Variants in COG5 observed in about 807,000 individuals in gnomAD.
COG5 encodes the protein conserved oligomeric Golgi complex subunit 5.
In COG5, 86 loss-of-function variants were observed where a neutral mutation model predicts 110.4. The ratio of observed to expected loss-of-function variants is 0.78; its 90% confidence interval spans 0.65 to 0.93. The LOEUF (loss-of-function observed/expected upper bound fraction) is 0.93. Among genes scored for constraint, COG5 ranks in the 40% least tolerant of loss-of-function variants. COG5 has a pLI of 0.00. For missense variants in COG5, 1,077 were observed against 987.0 expected, an observed-to-expected ratio of 1.09 and a Z score of -1.22; for synonymous variants, 360 against 334.6, an observed-to-expected ratio of 1.08 and a Z score of -0.83.
intron 12 of COG5, among the ~76,000 whole-genome samples, chr7:107,294,022 A>G (rs1035606975): frequency 6.6e-6 from 1 of 152,176 alleles, no homozygotes; most frequent in Non-Finnish European, 1.5e-5. Context: ...CTGTGAGCAG[A>G]TATCACACCA....
chr7:107,328,975 C>G (rs1321185229), intron 10 of COG5, among the ~76,000 whole-genome samples: 3 of 152,056 alleles, frequency 2.0e-5, no homozygotes, highest in Non-Finnish European at 2.9e-5. Flanking sequence ...CACACGCCAC[C>G]ACTGAAACGC....
At chr7:107,312,725 G>C (rs1004991281) in intron 11 of COG5, among the ~76,000 whole-genome samples, 1 of 152,106 alleles carries the variant, frequency 6.6e-6, no homozygotes, top group Non-Finnish European at 1.5e-5. Flanking sequence ...AGTCATATTC[G>C]AATTGCATTT....
chr7:107,305,253 A>G (rs1807612562), intron 11 of COG5, among the ~76,000 whole-genome samples: 1 of 152,298 alleles, frequency 6.6e-6, no homozygotes, highest in East Asian at 1.9e-4. Context: ...TGTTGTTTGG[A>G]GGATTTGGCC....
rs1384319631 is a variant in COG5, at chr7:107,201,454, G to C, written c.*2062C>G. The stretch of plus-strand genomic sequence containing the variant: ...TAAACCAGGATGCTTATGTTCTTAA[G>C]TCTATATTTGCATATACATTGACTC... On this transcript the variant is annotated 3_prime_UTR_variant, in exon 22 of 22. Transcript: ENST00000297135. The C allele has an allele frequency of 1.3e-6, 2 of 1,508,920 alleles. No individual in the cohort carries two copies. The highest frequency in any genetic ancestry group is 1.8e-6 in the Non-Finnish European group (2 of 1,086,948). 93.5% of individuals were successfully genotyped at this position (1,508,920 alleles called of 1,614,324 possible).
At chr7:107,324,825 G>T (rs564513590) in intron 10 of COG5, among the ~76,000 whole-genome samples, 5 of 152,214 alleles carry the variant, frequency 3.3e-5, no homozygotes, top group African/African-American at 1.2e-4. Context: ...AACATTGCAG[G>T]ATAATTATGA....
In COG5 at chr7:107,548,233, T is replaced by C. The variant is rs202015004; in HGVS notation, c.347+45A>G. 1.4e-4 allele frequency: 224 copies of C among 1,602,764 alleles called. 2 individuals are homozygous for C. In the South Asian group the frequency reaches 2.3e-3, roughly 16 times the overall value. ...AAATCATTTTCAGAATATCAATGGATAAAAACATTCCCATTCCATTTATTT... is the reference window on the plus strand; with the variant it reads ...AAATCATTTTCAGAATATCAATGGACAAAAACATTCCCATTCCATTTATTT... On this transcript the variant is annotated intron_variant, in intron 4 of 21. Transcript: ENST00000297135.
At chr7:107,304,187 A>G (rs1380138910) in intron 11 of COG5, among the ~76,000 whole-genome samples, 1 of 152,218 alleles carries the variant, frequency 6.6e-6, no homozygotes, top group Non-Finnish European at 1.5e-5. Context: ...CACAGTTTCC[A>G]AAATGTGTAG....
At chr7:107,301,937 G>C (rs4730232) in intron 11 of COG5, among the ~76,000 whole-genome samples, 23,783 of 152,022 alleles carry the variant, frequency 0.16, 2,316 homozygotes, top group Non-Finnish European at 0.22. Context: ...AGCTTGTGGA[G>C]ATAAAAAATT....
In COG5 at chr7:107,474,978, A is replaced by G. The variant is rs760028657; in HGVS notation, c.538+52259T>C. The G allele has an allele frequency of 1.2e-6, 2 of 1,612,352 alleles. No homozygotes were observed. The highest frequency in any genetic ancestry group is 1.7e-6 in the Non-Finnish European group (2 of 1,179,232). ...TGAAACGACACCGTGAACGACGAGA[A>G]AGACAAAAGAGAGTCTTCAGGATGT... On this transcript the variant is annotated intron_variant, in intron 6 of 21. Transcript: ENST00000297135. The surrounding 1 kb of genome is among the most constrained non-coding windows in gnomAD (Gnocchi z 5.7).
At chr7:107,317,281 C>A (rs1808842887) in intron 11 of COG5, among the ~76,000 whole-genome samples, 1 of 152,064 alleles carries the variant, frequency 6.6e-6, no homozygotes, top group Admixed American at 6.5e-5. Flanking sequence ...CCTCCCAGAA[C>A]AGCCAAACAG....
chr7:107,484,578 C>T (rs1797545306), intron 6 of COG5, among the ~76,000 whole-genome samples: 1 of 152,100 alleles, frequency 6.6e-6, no homozygotes, highest in Non-Finnish European at 1.5e-5. Flanking sequence ...TCAATGTTTT[C>T]CACAACTATA....
Position 107,412,591 on chromosome 7 carries a change from T to C in COG5, c.580A>G (p.Ile194Val). The C allele has an allele frequency of 1.3e-6, 2 of 1,582,740 alleles. No homozygotes were observed. The highest frequency in any genetic ancestry group is 1.7e-6 in the Non-Finnish European group (2 of 1,152,332). Residue 194 changes from isoleucine to valine, a missense_variant, in exon 7 of 22, where the codon ATA (isoleucine) becomes GTA (valine). Ile to Val is a conservative substitution (Grantham distance 29). Transcript: ENST00000297135. ...GCAATAAAAAGTAGATCATTTTCTATCACTTCTATTCCAGAAAGATCTATT... is the reference window on the plus strand; with the variant it reads ...GCAATAAAAAGTAGATCATTTTCTACCACTTCTATTCCAGAAAGATCTATT... ...QGIDLSGIEV[I>V]ENDLLFIARA...
chr7:107,281,315 T>C lies in COG5; in HGVS notation c.1560A>G (p.Val520=). Residue 520 remains valine, a synonymous_variant, in exon 14 of 22, where the codon GTA becomes GTG. Coordinates refer to ENST00000297135, the MANE Select transcript of COG5 (RefSeq NM_006348.5). ...NVAKTIQLYS[V]KSEQLLSTQG... ...AACCACTTACAAGCTGCTCTGATTTTACACTGTATAACTGGATGGTCTTTG... is the reference window on the plus strand; with the variant it reads ...AACCACTTACAAGCTGCTCTGATTTCACACTGTATAACTGGATGGTCTTTG... 6.2e-7 allele frequency: 1 copy of C among 1,612,042 alleles called. No individual in the cohort carries two copies. The highest frequency in any genetic ancestry group is 8.5e-7 in the Non-Finnish European group (1 of 1,178,248).
At chr7:107,322,690 CA>C in intron 11 of COG5, among the ~76,000 whole-genome samples, 1 of 152,264 alleles carries the variant, frequency 6.6e-6, no homozygotes, top group East Asian at 1.9e-4. Flanking sequence ...AGTTAAACAA[CA>C]TTTACCAAAT....
chr7:107,544,869 C>G (rs184691465), intron 5 of COG5, among the ~76,000 whole-genome samples: 3 of 152,248 alleles, frequency 2.0e-5, no homozygotes, highest in Admixed American at 6.5e-5. Context: ...CAAGACAATA[C>G]AACTAGACAA....
intron 15 of COG5, among the ~76,000 whole-genome samples, chr7:107,257,471 A>G (rs1227104158): frequency 6.6e-6 from 1 of 152,136 alleles, no homozygotes; most frequent in Non-Finnish European, 1.5e-5. Context: ...AGTGAGTAAT[A>G]GTCACTTAGA....
chr7:107,297,091 G>A (rs1329207981), intron 12 of COG5, among the ~76,000 whole-genome samples: 1 of 152,090 alleles, frequency 6.6e-6, no homozygotes, highest in Non-Finnish European at 1.5e-5. Context: ...TATACTTCAT[G>A]GGTGACCTAA....
chr7:107,318,604 G>A (rs1169954528), intron 11 of COG5, among the ~76,000 whole-genome samples: 3 of 151,974 alleles, frequency 2.0e-5, no homozygotes, highest in Non-Finnish European at 4.4e-5. Flanking sequence ...CTAAGATCAA[G>A]GTTCTGGTAG....
chr7:107,232,699 G>A (rs1800863385), intron 18 of COG5, among the ~76,000 whole-genome samples: 1 of 152,138 alleles, frequency 6.6e-6, no homozygotes, highest in African/African-American at 2.4e-5. Flanking sequence ...GGACCTCTAG[G>A]ATATTGTAAA....
Sources: gnomAD v4.1 joint callset for allele counts (sites outside exome capture counted in the v4.1 genomes callset) on GRCh38, gnomAD v4.1.1 for gene constraint, Gnocchi (gnomAD v3.1) non-coding constraint, MANE v1.5 for transcripts, NCBI Gene and HGNC (gene_info 2026-07-23, HGNC 2026-07-21) for gene names.